VCAN: variants seen among roughly 807,000 people sequenced by gnomAD.
VCAN encodes the protein versican, also known as versican core protein.
VCAN carries 44 observed loss-of-function variants against 245.5 expected under a neutral mutation model. That is an observed-to-expected ratio of 0.18 (90% CI 0.14 to 0.23). The LOEUF is 0.23. VCAN is among the 10% of genes least tolerant of loss of function. The pLI, the probability that VCAN is intolerant of heterozygous loss-of-function variation, is 1.00. For missense variants in VCAN, 3,793 were observed against 4,057.9 expected, an observed-to-expected ratio of 0.93 and a Z score of 1.77; for synonymous variants, 1,413 against 1,437.0, an observed-to-expected ratio of 0.98 and a Z score of 0.38.
In VCAN at chr5:83,537,749, C is replaced by T. The variant is rs1561254451; in HGVS notation, c.4746C>T (p.Tyr1582=). 13 of 1,614,006 alleles carry T rather than the reference C, an allele frequency of 8.1e-6. No individual in the cohort carries two copies. The highest frequency in any genetic ancestry group is 1.0e-5 in the Non-Finnish European group (12 of 1,179,970). The change falls in exon 8 of 15, where the codon TAC becomes TAT. Residue 1582 remains tyrosine, a synonymous_variant. Transcript: ENST00000265077. The stretch of plus-strand genomic sequence containing the variant: ...TAGAAAAAAGTACTTCTGTCACATA[C>T]ACTCCCACTATAGTTCCAAGTTCTG... ...EEVEKSTSVT[Y]TPTIVPSSAS...
rs758242973 is a variant in VCAN, at chr5:83,540,166, C to T, written c.7163C>T (p.Thr2388Ile). 23 of 1,613,884 alleles carry T rather than the reference C, an allele frequency of 1.4e-5. No homozygotes were observed. Among genetic ancestry groups the T allele is most frequent in the Middle Eastern group, 1.6e-4 (1 of 6,084 alleles). ...CAAGACTCTAACAAGAATTCTTCAA[C>T]AGCAGAAATTAACGAAACAACAACC... is the stretch of plus-strand genomic sequence containing the variant. ...TEQDSNKNSS[T>I]AEINETTTSS... The change falls in exon 8 of 15, where the codon ACA becomes ATA. Residue 2388 changes from threonine to isoleucine, a missense_variant. Around this residue, in one of 5 missense-constraint regions of VCAN, gnomAD observed 3,182 missense variants for 3,250.3 expected, o/e 0.98. Coordinates refer to ENST00000265077, the MANE Select transcript of VCAN (RefSeq NM_004385.5).
At chr5:83,545,084 A>G (rs1445932002) in intron 8 of VCAN, 7 of 216,876 alleles carry the variant, frequency 3.2e-5, no homozygotes, top group Non-Finnish European at 5.6e-5. Flanking sequence ...AAAGGCAATA[A>G]TAATTCAAAT....
intron 7 of VCAN, among the ~76,000 whole-genome samples, chr5:83,529,026 A>ACACACACACG (rs1491224642): frequency 3.3e-5 from 5 of 151,262 alleles, no homozygotes; most frequent in Non-Finnish European, 1.5e-5. Flanking sequence ...ACACACACAC[A>ACACACACACG]TATATGTATA....
chr5:83,545,091 A>G (rs1212956689), intron 8 of VCAN: 2 of 219,602 alleles, frequency 9.1e-6, no homozygotes, highest in Non-Finnish European at 1.9e-5. Context: ...ATAATAATTC[A>G]AATGATGATA....
chr5:83,570,939 C>G (rs982058839), intron 12 of VCAN, among the ~76,000 whole-genome samples: 4 of 151,742 alleles, frequency 2.6e-5, no homozygotes, highest in Admixed American at 6.6e-5. Context: ...TCACTTAACT[C>G]ATTGTCTCAA....
intron 1 of VCAN, among the ~76,000 whole-genome samples, chr5:83,473,896 AAGGTCTT>A (rs1385692699): frequency 6.6e-6 from 1 of 152,108 alleles, no homozygotes; most frequent in East Asian, 1.9e-4. Flanking sequence ...ACCCTGAAAA[AAGGTCTT>A]GGTCTGTGCA....
At chr5:83,504,251 G>A (rs1745415807) in intron 5 of VCAN, among the ~76,000 whole-genome samples, 2 of 152,048 alleles carry the variant, frequency 1.3e-5, no homozygotes, top group Non-Finnish European at 2.9e-5. Flanking sequence ...TTGAAATTTT[G>A]GAAAACTATG....
intron 7 of VCAN, among the ~76,000 whole-genome samples, chr5:83,524,045 T>C (rs1319301288): frequency 6.6e-6 from 1 of 152,188 alleles, no homozygotes; most frequent in Non-Finnish European, 1.5e-5. Flanking sequence ...TTGAGTTGAA[T>C]AATATAAAAC....
intron 5 of VCAN, among the ~76,000 whole-genome samples, chr5:83,498,830 AC>A: frequency 6.6e-6 from 1 of 152,190 alleles, no homozygotes; most frequent in Non-Finnish European, 1.5e-5. Context: ...GATCTGTTTT[AC>A]TACCATCAAA....
intron 7 of VCAN, among the ~76,000 whole-genome samples, chr5:83,525,046 G>GT (rs34155062): frequency 0.11 from 14,266 of 132,490 alleles, 2,044 homozygotes; most frequent in African/African-American, 0.33. Flanking sequence ...TATAAATCTT[G>GT]TTTTTTTTTT....
intron 12 of VCAN, among the ~76,000 whole-genome samples, chr5:83,565,390 G>GGGGT (rs1356397575): frequency 2.7e-5 from 4 of 149,132 alleles, no homozygotes; most frequent in African/African-American, 9.9e-5. Context: ...TATGTGTAAG[G>GGGGT]GTGTGTGTGT....
intron 2 of VCAN, among the ~76,000 whole-genome samples, chr5:83,488,785 C>T (rs1272328282): frequency 2.0e-5 from 3 of 152,084 alleles, no homozygotes; most frequent in Non-Finnish European, 4.4e-5. Flanking sequence ...GGTTATTATA[C>T]ATTTGAAATA....
chr5:83,559,058 G>A (rs1747769991), intron 12 of VCAN, among the ~76,000 whole-genome samples: 2 of 152,020 alleles, frequency 1.3e-5, no homozygotes, highest in Admixed American at 1.3e-4. Context: ...AGCAAAATGT[G>A]CCTACTGCTT....
chr5:83,538,606 G>A lies in VCAN; in HGVS notation c.5603G>A (p.Gly1868Asp), dbSNP rs139870889. 20 of 1,613,922 alleles carry A rather than the reference G, an allele frequency of 1.2e-5. No homozygotes were observed. The highest frequency in any genetic ancestry group is 1.1e-4 in the African/African-American group (8 of 74,898). Residue 1868 changes from glycine (G) to aspartate (D), a missense_variant, in exon 8 of 15, where the codon GGC becomes GAC. Coordinates refer to ENST00000265077, the MANE Select transcript of VCAN (RefSeq NM_004385.5). ...ATTCAAGCCGAAAAGGAAGTAGCTG[G>A]CACTTTGTCTCCGCATGTGGAAACT... The part of the protein sequence containing the change: ...YAIQAEKEVA[G>D]TLSPHVETTF...
At chr5:83,547,415 C>T (rs1487288924) in intron 9 of VCAN, among the ~76,000 whole-genome samples, 1 of 152,116 alleles carries the variant, frequency 6.6e-6, no homozygotes, top group Non-Finnish European at 1.5e-5. Flanking sequence ...AAGACTGCTG[C>T]CCTGGGCAAT....
At chr5:83,557,939 G>GA (rs1747734472) in intron 12 of VCAN, among the ~76,000 whole-genome samples, 1 of 152,096 alleles carries the variant, frequency 6.6e-6, no homozygotes, top group Non-Finnish European at 1.5e-5. Flanking sequence ...AGTAAATCCA[G>GA]AAAAAACTCT....
At chr5:83,545,279 A>G (rs575510229) in intron 8 of VCAN, among the ~76,000 whole-genome samples, 14 of 152,330 alleles carry the variant, frequency 9.2e-5, no homozygotes, top group African/African-American at 3.1e-4. Flanking sequence ...ATTAGTTGCC[A>G]GATACAGTAC....
chr5:83,510,651 A>T (rs1305074851), intron 5 of VCAN, among the ~76,000 whole-genome samples: 2 of 152,186 alleles, frequency 1.3e-5, no homozygotes, highest in African/African-American at 4.8e-5. Flanking sequence ...ACATAATTTA[A>T]TTTGTGTGGA....
intron 1 of VCAN, among the ~76,000 whole-genome samples, chr5:83,479,797 G>A (rs1020878862): frequency 6.6e-6 from 1 of 152,224 alleles, no homozygotes; most frequent in African/African-American, 2.4e-5. Context: ...GGACTCCAAA[G>A]AAGAGGGAAT....
Sources: gnomAD v4.1 joint callset for allele counts (sites outside exome capture counted in the v4.1 genomes callset) on GRCh38, gnomAD v4.1.1 for gene constraint, gnomAD v4.1.1 regional missense constraint, MANE v1.5 for transcripts, NCBI Gene and HGNC (gene_info 2026-07-23, HGNC 2026-07-21) for gene names.